The following TRIP11 variants were observed in gnomAD, a reference collection of about 807,000 sequenced individuals.
TRIP11 encodes thyroid hormone receptor interactor 11, also known as thyroid receptor-interacting protein 11.
In TRIP11, 148 loss-of-function variants were observed where a neutral mutation model predicts 223.1. The ratio of observed to expected loss-of-function variants is 0.66; its 90% CI spans 0.58 to 0.76. The LOEUF (loss-of-function observed/expected upper bound fraction) is 0.76, where lower values mean the gene tolerates loss of function less well. Ranked by LOEUF, TRIP11 falls within the 30% of genes least tolerant of loss-of-function variation. The pLI is 0.00. For synonymous variants in TRIP11, 762 were observed against 772.6 expected (o/e 0.99, Z 0.23); for missense variants, 2,043 against 2,222.0 (o/e 0.92, Z 1.62).
chr14:92,025,282 C>A, intron 3 of TRIP11, 28 bp downstream of exon 3: 1 of 1,475,110 alleles, frequency 6.8e-7, no homozygotes, highest in Non-Finnish European at 9.5e-7. Context: ...CAGTGAAGTA[C>A]ATATGAAGTA....
rs757282173 is a variant in TRIP11 at position 92,005,396 on chromosome 14, C to T, written c.2580G>A (p.Glu860=). The T allele has an allele frequency of 1.2e-6, 2 of 1,613,968 alleles. No homozygotes were observed. The highest frequency in any genetic ancestry group is 1.1e-5 in the South Asian group (1 of 91,078). The stretch of plus-strand genomic sequence containing the variant: ...ATTCTTCTTGCAGATGATTATTTTC[C>T]TCTTTCATGGATCCAAGACTTCGGT... ...EKDRSLGSMK[E]ENNHLQEELE... The change falls in exon 11 of 21, where the codon GAG becomes GAA. Residue 860 remains glutamate, a synonymous_variant. Coordinates refer to ENST00000267622, the MANE Select transcript of TRIP11 (RefSeq NM_004239.4).
Position 92,011,812 on chromosome 14 carries a change from T to C in TRIP11, c.1187-17A>G. 1 of 1,609,450 alleles carries C rather than the reference T, an allele frequency of 6.2e-7. No individual in the cohort carries two copies. The highest frequency in any genetic ancestry group is 8.5e-7 in the Non-Finnish European group (1 of 1,177,470). On this transcript the variant is annotated splice_polypyrimidine_tract_variant and intron_variant, in intron 7 of 20. Transcript: ENST00000267622. ...TTTCGGCATCTGTAAAAACAGCAAA[T>C]GAACTTGACATTAAAATTATTTAGA...
At chr14:91,982,765 C>T (rs543398007) in intron 16 of TRIP11, among the ~76,000 whole-genome samples, 125 of 152,324 alleles carry the variant, frequency 8.2e-4, no homozygotes, top group African/African-American at 2.9e-3. Context: ...CCATAAGAAA[C>T]ACTTCAAATG....
At chr14:92,034,197 G>A (rs2057298713) in intron 1 of TRIP11, among the ~76,000 whole-genome samples, 1 of 152,170 alleles carries the variant, frequency 6.6e-6, no homozygotes, top group Non-Finnish European at 1.5e-5. Context: ...GCCAAGGTGG[G>A]CGGATCACGT....
intron 5 of TRIP11, among the ~76,000 whole-genome samples, chr14:92,017,027 A>G (rs536508450): frequency 8.1e-4 from 123 of 152,308 alleles, no homozygotes; most frequent in African/African-American, 2.9e-3. Context: ...TTTCCAATGC[A>G]TGATATTAGT....
intron 7 of TRIP11, among the ~76,000 whole-genome samples, chr14:92,012,151 T>G (rs985559803): frequency 2.0e-5 from 3 of 152,198 alleles, no homozygotes; most frequent in African/African-American, 7.2e-5. Flanking sequence ...TGGTTTAAGA[T>G]TGGAGGAAAA....
intron 9 of TRIP11, among the ~76,000 whole-genome samples, chr14:92,010,707 C>G (rs965689384): frequency 6.6e-6 from 1 of 151,944 alleles, no homozygotes; most frequent in South Asian, 2.1e-4. Context: ...TTCCTGCTGT[C>G]AGGACATCAT....
intron 16 of TRIP11, among the ~76,000 whole-genome samples, chr14:91,987,451 C>T (rs1467071247): frequency 6.6e-6 from 1 of 152,168 alleles, no homozygotes; most frequent in African/African-American, 2.4e-5. Context: ...TTGACAGCTC[C>T]TCTGCTGTAC....
At chr14:92,002,833 G>A (rs764956726) in intron 11 of TRIP11, among the ~76,000 whole-genome samples, 7 of 151,820 alleles carry the variant, frequency 4.6e-5, no homozygotes, top group Non-Finnish European at 8.8e-5. Context: ...CACCCACCTT[G>A]GCCTCCCAAA....
Position 92,021,847 on chromosome 14 carries a change from C to A in TRIP11, c.313-16G>T. 1 of 1,611,838 alleles carries A rather than the reference C, an allele frequency of 6.2e-7. No homozygotes were observed. Among genetic ancestry groups the A allele is most frequent in the Non-Finnish European group, 8.5e-7 (1 of 1,179,860 alleles). ...TGATTTCTACCTATATATTTATAAT[C>A]CAAGTTTTAGAGAAGGTACTTTAAA... On this transcript the variant is annotated splice_polypyrimidine_tract_variant and intron_variant, in intron 3 of 20. Coordinates refer to ENST00000267622, the MANE Select transcript of TRIP11 (RefSeq NM_004239.4).
At position 91,968,177 on chromosome 14, in the gene TRIP11, ATTTGT is replaced by A. The variant is rs1425684434; in HGVS notation, c.*1491_*1495del. On this transcript the variant is annotated 3_prime_UTR_variant, in exon 21 of 21. Coordinates refer to ENST00000267622, the MANE Select transcript of TRIP11 (RefSeq NM_004239.4). ...CAGCCAGGACTATTCACATATTTGAATTTGTTTTATTTTCATCCTTCCTTGTTATA... is the reference window on the plus strand; with the variant it reads ...CAGCCAGGACTATTCACATATTTGAATTTATTTTCATCCTTCCTTGTTATA... 8 of 198,774 alleles carry A rather than the reference ATTTGT, an allele frequency of 4.0e-5. No individual in the cohort carries two copies. The highest frequency in any genetic ancestry group is 2.4e-4 in the Admixed American group (4 of 16,546). 12.3% of individuals were successfully genotyped at this position (198,774 alleles called of 1,614,324 possible).
At position 92,005,579 on chromosome 14, in the gene TRIP11, A is replaced by G. The variant is rs1165723907; in HGVS notation, c.2397T>C (p.Ser799=). The change falls in exon 11 of 21, where the codon AGT becomes AGC. Residue 799 remains serine (S), a synonymous_variant. Transcript: ENST00000267622. ...HKETKDVLSS[S]LEEQKQLTQL... is the part of the protein sequence containing the mutation. ...GTGTCAACTGCTTCTGCTCTTCTAA[A>G]CTAGATGACAAAACGTCCTTAGTTT... 2.5e-6 allele frequency: 4 copies of G among 1,613,162 alleles called. No homozygotes were observed. The highest frequency in any genetic ancestry group is 3.3e-4 in the Middle Eastern group (2 of 6,082).
At chr14:91,982,969 C>G (rs1405724747) in intron 16 of TRIP11, among the ~76,000 whole-genome samples, 1 of 150,330 alleles carries the variant, frequency 6.7e-6, no homozygotes, top group Non-Finnish European at 1.5e-5. Context: ...TACTAGTCAA[C>G]TGTATCTTCA....
Position 91,969,825 on chromosome 14 carries a change from C to A in TRIP11, c.5788G>T (p.Val1930Leu). The part of the protein sequence containing the change: ...NPFLAPRSAA[V>L]PLINPAGLGP... ...AGTCCAGCTGGGTTAATAAGAGGTA[C>A]AGCTGCCGAGCGAGGAGCCAAAAAC... The change falls in exon 21 of 21, where the codon GTA (valine) becomes TTA (leucine). Residue 1930 changes from valine (V) to leucine (L), a missense_variant. Transcript: ENST00000267622. 2 of 1,614,188 alleles carry A rather than the reference C, an allele frequency of 1.2e-6. No individual in the cohort carries two copies. The highest frequency in any genetic ancestry group is 1.7e-6 in the Non-Finnish European group (2 of 1,180,030).
chr14:91,986,789 T>A (rs778996940), intron 16 of TRIP11, among the ~76,000 whole-genome samples: 4 of 152,190 alleles, frequency 2.6e-5, no homozygotes, highest in Non-Finnish European at 4.4e-5. Context: ...ATGTTGTAGT[T>A]GCACTGGCCT....
rs1486887925 is a variant in TRIP11, at chr14:92,017,848, G to T, written c.589-98C>A. The T allele has an allele frequency of 3.7e-6, 4 of 1,090,800 alleles. No individual in the cohort carries two copies. The African/African-American group carries it at 4.7e-5, about 13-fold the overall frequency. The allele number at this position is 1,090,800 out of a possible 1,614,324, so 67.6% of individuals were successfully genotyped here. A position where few individuals can be genotyped will look rare whatever the true frequency, so the allele number is the denominator to read the frequency against. On this transcript the variant is annotated intron_variant, in intron 4 of 20. Coordinates refer to ENST00000267622, the MANE Select transcript of TRIP11 (RefSeq NM_004239.4). ...CATTACAAGAATACTTTTGTAAAAA[G>T]GGGGATTTTCACAGATTCCGACTAA...
chr14:92,013,215 C>T (rs1478536387), intron 7 of TRIP11, among the ~76,000 whole-genome samples: 2 of 152,126 alleles, frequency 1.3e-5, no homozygotes, highest in South Asian at 2.1e-4. Flanking sequence ...TGCAGTGAAC[C>T]GAGATCGTGC....
chr14:91,984,018 G>C lies in TRIP11; in HGVS notation c.5260+4266C>G, dbSNP rs190287125. On this transcript the variant is annotated intron_variant, in intron 16 of 20. Coordinates refer to ENST00000267622, the MANE Select transcript of TRIP11 (RefSeq NM_004239.4). The stretch of plus-strand genomic sequence containing the variant: ...GGGACTCATTTTATACATTCTTCTA[G>C]ATTTTCTTTTAAAAAATGGTCCAAG... Among the ~76,000 whole-genome samples, 284 of 151,908 alleles carry C rather than the reference G, an allele frequency of 1.9e-3. 1 individual carries two copies. The highest frequency in any genetic ancestry group is 3.4e-3 in the Middle Eastern group (1 of 294).
At chr14:91,989,418 G>A (rs1311834682) in intron 15 of TRIP11, among the ~76,000 whole-genome samples, 1 of 151,046 alleles carries the variant, frequency 6.6e-6, no homozygotes. Context: ...ATTAGTTTAG[G>A]TTTTAGTTTC....
Sources: allele counts gnomAD v4.1 joint callset (sites outside exome capture counted in the v4.1 genomes callset), GRCh38; gene constraint gnomAD v4.1.1; transcripts MANE v1.5; gene names NCBI Gene and HGNC (gene_info 2026-07-23, HGNC 2026-07-21).